Variants in LYRM4 observed in about 807,000 individuals in gnomAD.
LYRM4 encodes LYR motif-containing protein 4.
In LYRM4, 9 loss-of-function variants were observed where a neutral mutation model predicts 11.7. The ratio of observed to expected loss-of-function variants is 0.77; its 90% CI spans 0.46 to 1.34. LYRM4 has a LOEUF of 1.34. Among genes scored for constraint, LYRM4 ranks in the 40% most tolerant of loss-of-function variants. LYRM4 has a pLI of 0.00. For synonymous variants in LYRM4, 42 were observed against 40.4 expected, an observed-to-expected ratio of 1.04 and a Z score of -0.15; for missense variants, 133 against 112.5, an observed-to-expected ratio of 1.18 and a Z score of -0.82.
the LYRM4 span, chr6:5,087,000 G>C: frequency 6.1e-6 from 1 of 163,220 alleles, no homozygotes; most frequent in African/African-American, 2.4e-5. Flanking sequence ...AGAACAAAGC[G>C]TCCTGCCACG....
At chr6:5,124,495 T>G (rs959702460) in intron 2 of LYRM4, among the ~76,000 whole-genome samples, 15 of 152,194 alleles carry the variant, frequency 9.9e-5, no homozygotes, top group African/African-American at 3.4e-4. Flanking sequence ...CATTTCCGCC[T>G]TTTGCCTATG....
the LYRM4 span, among the ~76,000 whole-genome samples, chr6:5,077,234 C>T: frequency 2.6e-5 from 4 of 152,238 alleles, no homozygotes; most frequent in Admixed American, 2.6e-4. Flanking sequence ...TTACGGAAGA[C>T]ATGGTCTCTG....
intron 2 of LYRM4, among the ~76,000 whole-genome samples, chr6:5,125,106 G>A (rs1029590600): frequency 1.3e-5 from 2 of 152,120 alleles, no homozygotes; most frequent in South Asian, 2.1e-4. Context: ...CCTTGCTGAC[G>A]TGGCTGCTGC....
chr6:5,102,060 T>C (rs1310478309), downstream of LYRM4, among the ~76,000 whole-genome samples: 5 of 149,512 alleles, frequency 3.3e-5, no homozygotes, highest in African/African-American at 1.2e-4. Flanking sequence ...TCCAAAGTGT[T>C]GGGATTAAAG....
intron 2 of LYRM4, among the ~76,000 whole-genome samples, chr6:5,160,430 G>A (rs754447476): frequency 6.6e-5 from 10 of 152,136 alleles, no homozygotes; most frequent in Middle Eastern, 3.4e-3. Flanking sequence ...CCTGGTGGGA[G>A]GTAATTGAAT....
chr6:5,136,756 G>T, intron 2 of LYRM4: 1 of 985,372 alleles, frequency 1.0e-6, no homozygotes, highest in South Asian at 4.7e-5. Context: ...AGGAAGACTG[G>T]GTAGACTTCC....
intron 2 of LYRM4, among the ~76,000 whole-genome samples, chr6:5,120,184 G>C (rs559460192): frequency 1.3e-5 from 2 of 152,220 alleles, no homozygotes; most frequent in South Asian, 4.1e-4. Flanking sequence ...CATGAGGCAC[G>C]GTGCCTGGCC....
chr6:5,144,709 T>C (rs1276505217), intron 2 of LYRM4, among the ~76,000 whole-genome samples: 2 of 145,460 alleles, frequency 1.4e-5, no homozygotes, highest in Non-Finnish European at 3.0e-5. Flanking sequence ...TAGCTACCCA[T>C]GGCCCCAGGA....
chr6:5,230,562 T>A (rs35587351), intron 1 of LYRM4, among the ~76,000 whole-genome samples: 7,466 of 152,258 alleles, frequency 0.049, 600 homozygotes, highest in African/African-American at 0.16. Flanking sequence ...AGTGTGAACC[T>A]GCCAATAATG....
the LYRM4 span, among the ~76,000 whole-genome samples, chr6:5,069,483 T>TA: frequency 6.9e-6 from 1 of 145,634 alleles, no homozygotes; most frequent in Non-Finnish European, 1.5e-5. Flanking sequence ...TATATATATA[T>TA]TTTTTTGTTT....
chr6:5,238,544 G>A (rs934226163), intron 1 of LYRM4, among the ~76,000 whole-genome samples: 15 of 152,070 alleles, frequency 9.9e-5, no homozygotes, highest in Non-Finnish European at 1.9e-4. Context: ...TAAGTCCAGG[G>A]GCCTTGTAAA....
At chr6:5,056,717 C>G in the LYRM4 span, among the ~76,000 whole-genome samples, 1 of 152,188 alleles carries the variant, frequency 6.6e-6, no homozygotes, top group Non-Finnish European at 1.5e-5. Context: ...CTTCAAAGTT[C>G]AGATTTTAAC....
At chr6:5,050,870 A>C in the LYRM4 span, among the ~76,000 whole-genome samples, 1 of 152,254 alleles carries the variant, frequency 6.6e-6, no homozygotes, top group Admixed American at 6.5e-5. Context: ...TAGATGGTAG[A>C]CTTACTAAAC....
At chr6:5,040,575 A>G in the LYRM4 span, among the ~76,000 whole-genome samples, 110,552 of 151,508 alleles carry the variant, frequency 0.73, 41,124 homozygotes, top group East Asian at 0.95. Flanking sequence ...TTAGTGTTCC[A>G]TAAATGAGTT....
intron 2 of LYRM4, among the ~76,000 whole-genome samples, chr6:5,170,099 G>A (rs984524435): frequency 1.3e-5 from 2 of 152,198 alleles, no homozygotes; most frequent in African/African-American, 4.8e-5. Flanking sequence ...TACAGTGTTG[G>A]TTGAAGGCTG....
the LYRM4 span, among the ~76,000 whole-genome samples, chr6:5,079,269 G>A: frequency 6.6e-6 from 1 of 152,220 alleles, no homozygotes; most frequent in Non-Finnish European, 1.5e-5. Flanking sequence ...GAAATATATG[G>A]AGGAAACTAA....
chr6:5,168,310 A>G (rs2127663471), intron 2 of LYRM4, among the ~76,000 whole-genome samples: 1 of 152,328 alleles, frequency 6.6e-6, no homozygotes, highest in Non-Finnish European at 1.5e-5. Flanking sequence ...TAGGTTTCAA[A>G]TATTACTTGT....
Position 5,156,917 on chromosome 6 carries a change from C to T in LYRM4, c.208-47426G>A, listed in dbSNP as rs188949042. Among the ~76,000 whole-genome samples the T allele has an allele frequency of 3.4e-4, 52 of 152,280 alleles. 1 individual carries two copies. The highest frequency in any genetic ancestry group is 1.3e-3 in the African/African-American group (52 of 41,562). On this transcript the variant is annotated intron_variant, in intron 2 of 2. Transcript: ENST00000330636. ...CATGATGGGAATGTCACAAGATCCCCCCTGAAGCTCTCGCTTTAGCCCAAT... is the reference window on the plus strand; with the variant it reads ...CATGATGGGAATGTCACAAGATCCCTCCTGAAGCTCTCGCTTTAGCCCAAT...
chr6:5,054,825 G>A, the LYRM4 span, among the ~76,000 whole-genome samples: 3 of 152,106 alleles, frequency 2.0e-5, no homozygotes, highest in African/African-American at 7.2e-5. Context: ...CCTGACTCTG[G>A]TATGGAATCA....
Sources: gnomAD v4.1 joint callset for allele counts (sites outside exome capture counted in the v4.1 genomes callset) on GRCh38, gnomAD v4.1.1 for gene constraint, MANE v1.5 for transcripts, NCBI Gene and HGNC (gene_info 2026-07-23, HGNC 2026-07-21) for gene names.